The following PCDH11X variants were observed in gnomAD, a reference collection of about 807,000 sequenced individuals.
PCDH11X encodes protocadherin 11 X-linked, also known as protocadherin-11 X-linked.
Under a neutral mutation model 53.3 loss-of-function variants are expected in PCDH11X, and 18 were observed. That is an observed-to-expected ratio of 0.34 (90% CI 0.23 to 0.50). The LOEUF (loss-of-function observed/expected upper bound fraction) is 0.50. Among genes scored for constraint, PCDH11X ranks in the 20% least tolerant of loss-of-function variants. PCDH11X has a pLI of 0.98. For synonymous variants in PCDH11X, 279 were observed against 393.3 expected (o/e 0.71, Z 3.44); for missense variants, 570 against 1,032.4 (o/e 0.55, Z 6.14).
chrX:92,507,686 G>A (rs1300145178), intron 10 of PCDH11X, among the ~76,000 whole-genome samples: 2 of 111,849 alleles, frequency 1.8e-5, no homozygotes, highest in Non-Finnish European at 3.8e-5. Context: ...TTTGATGCTG[G>A]CCTTGAAATG....
At chrX:92,436,445 A>G (rs140696419) in intron 9 of PCDH11X, among the ~76,000 whole-genome samples, 1 of 112,132 alleles carries the variant, frequency 8.9e-6, no homozygotes, top group East Asian at 2.8e-4. Flanking sequence ...AAACAGAACT[A>G]CTATTTAACG....
intron 6 of PCDH11X, among the ~76,000 whole-genome samples, chrX:92,185,854 A>T: frequency 9.0e-6 from 1 of 111,455 alleles, no homozygotes; most frequent in Non-Finnish European, 1.9e-5. Context: ...ACAAAACACA[A>T]CATAGCAAAT....
chrX:91,816,407 C>T (rs1430242016), intron 4 of PCDH11X, among the ~76,000 whole-genome samples: 1 of 110,950 alleles, frequency 9.0e-6, no homozygotes, highest in East Asian at 2.8e-4. Flanking sequence ...GTATAGGGAA[C>T]ATTGAAGGAT....
chrX:92,424,605 C>T (rs1276964848), intron 9 of PCDH11X, among the ~76,000 whole-genome samples: 2 of 96,344 alleles, frequency 2.1e-5, no homozygotes, highest in Non-Finnish European at 4.6e-5. Context: ...TCTGGTTCCT[C>T]TATGCATTTT....
intron 6 of PCDH11X, among the ~76,000 whole-genome samples, chrX:92,109,305 C>T (rs72605187): frequency 0.17 from 18,352 of 109,389 alleles, 1,335 homozygotes; most frequent in East Asian, 0.41. Flanking sequence ...GTCCAGGAGA[C>T]GGAGGTTGCT....
chrX:92,319,014 A>G (rs1224219470), intron 8 of PCDH11X, among the ~76,000 whole-genome samples: 14 of 112,347 alleles, frequency 1.2e-4, no homozygotes, highest in African/African-American at 4.2e-4. Flanking sequence ...TATTCAAATA[A>G]TGTAAATTCT....
intron 6 of PCDH11X, among the ~76,000 whole-genome samples, chrX:92,157,953 G>A (rs1210913902): frequency 8.9e-6 from 1 of 111,782 alleles, no homozygotes; most frequent in African/African-American, 3.2e-5. Context: ...GGTAGCTCAT[G>A]CCTGTAATCC....
At chrX:92,550,717 C>G (rs994417701) in intron 10 of PCDH11X, among the ~76,000 whole-genome samples, 3 of 109,427 alleles carry the variant, frequency 2.7e-5, no homozygotes, top group African/African-American at 9.9e-5. Flanking sequence ...TTAACCATCC[C>G]CATCTAAATC....
intron 6 of PCDH11X, among the ~76,000 whole-genome samples, chrX:92,184,034 G>A (rs181982467): frequency 1.0e-3 from 112 of 110,774 alleles, no homozygotes; most frequent in Non-Finnish European, 1.8e-3. Flanking sequence ...AATCTCAGGC[G>A]GGCAGTTTTT....
At chrX:91,934,692 CAATT>C (rs761351089) in intron 6 of PCDH11X, among the ~76,000 whole-genome samples, 38 of 103,554 alleles carry the variant, frequency 3.7e-4, no homozygotes, top group Non-Finnish European at 6.7e-4. Flanking sequence ...TACCTTAATT[CAATT>C]AATTATTTAC....
At chrX:92,196,033 C>T (rs1382641719) in intron 6 of PCDH11X, among the ~76,000 whole-genome samples, 1 of 111,865 alleles carries the variant, frequency 8.9e-6, no homozygotes, top group Non-Finnish European at 1.9e-5. Context: ...TATGGGAACA[C>T]TTTACTCTGT....
intron 6 of PCDH11X, among the ~76,000 whole-genome samples, chrX:91,974,022 T>C (rs1307435102): frequency 6.3e-5 from 7 of 111,583 alleles, no homozygotes; most frequent in Non-Finnish European, 3.8e-5. Context: ...TTTGTATCAG[T>C]TCTTTATTCT....
At chrX:92,185,638 C>G (rs1266670635) in intron 6 of PCDH11X, among the ~76,000 whole-genome samples, 1 of 111,131 alleles carries the variant, frequency 9.0e-6, no homozygotes, top group Non-Finnish European at 1.9e-5. Flanking sequence ...CCAGAATATA[C>G]AAGGAACTCA....
At chrX:92,593,792 T>G (rs1164334947) in intron 10 of PCDH11X, among the ~76,000 whole-genome samples, 6 of 108,725 alleles carry the variant, frequency 5.5e-5, no homozygotes. Context: ...ATAACATGTT[T>G]TTCTTAGAGA....
chrX:91,861,932 C>T (rs982875657), intron 5 of PCDH11X, among the ~76,000 whole-genome samples: 3 of 110,876 alleles, frequency 2.7e-5, no homozygotes, highest in Admixed American at 9.5e-5. Flanking sequence ...AACCTGGATA[C>T]CTTAGTTGAT....
intron 6 of PCDH11X, among the ~76,000 whole-genome samples, chrX:92,015,928 C>G (rs934845707): frequency 1.8e-5 from 2 of 111,598 alleles, no homozygotes; most frequent in African/African-American, 6.5e-5. Flanking sequence ...ACTATGGCAG[C>G]TATAACCTTA....
At chrX:91,846,240 CT>C (rs1397406729) in intron 5 of PCDH11X, among the ~76,000 whole-genome samples, 4 of 111,462 alleles carry the variant, frequency 3.6e-5, no homozygotes, top group Non-Finnish European at 5.7e-5. Flanking sequence ...ATTTTTGTTT[CT>C]TTTTTTCATC....
At chrX:92,259,657 C>G (rs1024271740) in intron 7 of PCDH11X, among the ~76,000 whole-genome samples, 1 of 111,260 alleles carries the variant, frequency 9.0e-6, no homozygotes, top group Non-Finnish European at 1.9e-5. Context: ...GACTCAGATC[C>G]AAACCATATC....
At chrX:92,614,755 T>C (rs933862505) in intron 10 of PCDH11X, among the ~76,000 whole-genome samples, 7 of 110,534 alleles carry the variant, frequency 6.3e-5, no homozygotes, top group Admixed American at 9.6e-5. Flanking sequence ...TGTCTAGGCA[T>C]GGAGCTGGGA....
Sources: gnomAD v4.1 joint callset for allele counts (sites outside exome capture counted in the v4.1 genomes callset) on GRCh38, gnomAD v4.1.1 for gene constraint, MANE v1.5 for transcripts, NCBI Gene and HGNC (gene_info 2026-07-23, HGNC 2026-07-21) for gene names.